EPHA7: variants seen among roughly 807,000 people sequenced by gnomAD.
The protein encoded by EPHA7 is ephrin type-A receptor 7.
EPHA7 carries 25 observed loss-of-function variants against 112.6 expected under a neutral mutation model. The ratio of observed to expected loss-of-function variants is 0.22; its 90% CI spans 0.16 to 0.31. The LOEUF is 0.31. Among genes scored for constraint, EPHA7 ranks in the 10% least tolerant of loss-of-function variants. The probability of loss-of-function intolerance (pLI) is 1.00; values close to 1 mark genes in which losing one functional copy is unlikely to be tolerated. For missense variants in EPHA7, 962 were observed against 1,212.6 expected, an observed-to-expected ratio of 0.79 and a Z score of 3.07; for synonymous variants, 437 against 406.5, an observed-to-expected ratio of 1.07 and a Z score of -0.90.
At chr6:93,296,729 G>A (rs1772693492) in intron 5 of EPHA7, among the ~76,000 whole-genome samples, 1 of 151,676 alleles carries the variant, frequency 6.6e-6, no homozygotes, top group African/African-American at 2.4e-5. Context: ...GCAGGTCAGA[G>A]GCTAGAAAGC....
At chr6:93,297,376 C>A (rs1772725986) in intron 5 of EPHA7, among the ~76,000 whole-genome samples, 1 of 152,090 alleles carries the variant, frequency 6.6e-6, no homozygotes, top group Non-Finnish European at 1.5e-5. Flanking sequence ...TACTTATCTG[C>A]AGGATATTGT....
At chr6:93,337,367 T>G (rs1774927641) in intron 5 of EPHA7, among the ~76,000 whole-genome samples, 1 of 152,194 alleles carries the variant, frequency 6.6e-6, no homozygotes, top group Admixed American at 6.5e-5. Flanking sequence ...ATTTTTATTC[T>G]CTGGAATATA....
chr6:93,298,514 C>T (rs1582472911), intron 5 of EPHA7, among the ~76,000 whole-genome samples: 1 of 151,806 alleles, frequency 6.6e-6, no homozygotes, highest in African/African-American at 2.4e-5. Context: ...CTGATATATG[C>T]AAAAGAGTTC....
intron 3 of EPHA7, among the ~76,000 whole-genome samples, chr6:93,392,826 T>C (rs939922261): frequency 6.6e-6 from 1 of 151,904 alleles, no homozygotes; most frequent in Non-Finnish European, 1.5e-5. Context: ...TATTTTGATA[T>C]ATTTTTCAGA....
chr6:93,322,858 C>G lies in EPHA7; in HGVS notation c.1324+33859G>C, dbSNP rs114971096. On this transcript the variant is annotated intron_variant, in intron 5 of 16. Transcript: ENST00000369303. ...TTACAGATTCAGGGAGCATACTGTCCCCCATCTGTGCTTTACGTGTGTGTG... is the reference window on the plus strand; with the variant it reads ...TTACAGATTCAGGGAGCATACTGTCGCCCATCTGTGCTTTACGTGTGTGTG... Among the ~76,000 whole-genome samples the G allele has an allele frequency of 4.2e-3, 636 of 151,512 alleles. 4 individuals are homozygous for G. The highest frequency in any genetic ancestry group is 0.015 in the African/African-American group (613 of 41,408).
rs566650709 is a variant in EPHA7, at chr6:93,341,394, C to T, written c.1324+15323G>A. On this transcript the variant is annotated intron_variant, in intron 5 of 16. Transcript: ENST00000369303. ...ATATTTCAAACTTACTTTGAGTGTG[C>T]GTGTGTGTGTGTGTCAACTAAGTTG... 8.6e-4 allele frequency among the ~76,000 whole-genome samples: 130 copies of T among 150,524 alleles called. 1 individual carries two copies. Among genetic ancestry groups the T allele is most frequent in the Non-Finnish European group, 1.8e-3 (118 of 67,398 alleles).
intron 5 of EPHA7, among the ~76,000 whole-genome samples, chr6:93,331,207 C>T (rs1167914301): frequency 6.6e-6 from 1 of 151,412 alleles, no homozygotes; most frequent in Non-Finnish European, 1.5e-5. Flanking sequence ...TGAAGGATAT[C>T]ACTGTATTTT....
At chr6:93,258,682 ATATAT>A (rs1770555477) in intron 10 of EPHA7, among the ~76,000 whole-genome samples, 1 of 148,276 alleles carries the variant, frequency 6.7e-6, no homozygotes, top group Middle Eastern at 3.6e-3. Flanking sequence ...ATTTTTTTAT[ATATAT>A]TATATTAGTA....
At chr6:93,254,341 TC>T (rs1285620712) in intron 14 of EPHA7, among the ~76,000 whole-genome samples, 1 of 152,136 alleles carries the variant, frequency 6.6e-6, no homozygotes, top group African/African-American at 2.4e-5. Flanking sequence ...CATGTGATGC[TC>T]CCACTCCAGC....
At chr6:93,291,786 A>AAAAAAAAC (rs1772393293) in intron 5 of EPHA7, among the ~76,000 whole-genome samples, 1 of 150,508 alleles carries the variant, frequency 6.6e-6, no homozygotes, top group African/African-American at 2.4e-5. Flanking sequence ...AAAAAAAAAA[A>AAAAAAAAC]ATACTTTTCT....
At chr6:93,395,672 G>C (rs532352010) in intron 3 of EPHA7, among the ~76,000 whole-genome samples, 1 of 151,280 alleles carries the variant, frequency 6.6e-6, no homozygotes, top group Non-Finnish European at 1.5e-5. Context: ...ATGACACATA[G>C]GGCTTCATTT....
chr6:93,262,940 A>G (rs1206133916), intron 9 of EPHA7, among the ~76,000 whole-genome samples: 1 of 151,410 alleles, frequency 6.6e-6, no homozygotes, highest in Non-Finnish European at 1.5e-5. Context: ...ATCTTCACAG[A>G]TATTGACATA....
chr6:93,372,605 T>C (rs559200808), intron 3 of EPHA7, among the ~76,000 whole-genome samples: 1 of 152,268 alleles, frequency 6.6e-6, no homozygotes, highest in Non-Finnish European at 1.5e-5. Context: ...AAAACAATTT[T>C]TAGCAAGATA....
chr6:93,246,810 G>T lies in EPHA7; in HGVS notation c.2708C>A (p.Pro903His), dbSNP rs768012065. The change falls in exon 15 of 17, where the codon CCC becomes CAC. Residue 903 changes from proline to histidine, a missense_variant. Physicochemically the swap from Pro to His is moderately conservative, Grantham distance 77. Around this residue, in one of 3 missense-constraint regions of EPHA7, gnomAD observed 746 missense variants for 889.2 expected, o/e 0.84. Transcript: ENST00000369303. ...MIRNPNSLKT[P>H]LGTCSRPISP... The stretch of plus-strand genomic sequence containing the variant: ...TTCTTACCTACTACAAGTTCCCAGG[G>T]GAGTTTTCAGACTATTTGGGTTTCG... 3.1e-6 allele frequency: 5 copies of T among 1,607,356 alleles called. No individual in the cohort carries two copies. Among genetic ancestry groups the T allele is most frequent in the Non-Finnish European group, 3.4e-6 (4 of 1,174,346 alleles).
At chr6:93,371,805 C>A (rs1776813258) in intron 3 of EPHA7, among the ~76,000 whole-genome samples, 1 of 152,068 alleles carries the variant, frequency 6.6e-6, no homozygotes, top group South Asian at 2.1e-4. Context: ...TATACATCAT[C>A]CCAAAACCTG....
intron 10 of EPHA7, among the ~76,000 whole-genome samples, 165 bp from the exon 11 acceptor site, chr6:93,258,449 T>C (rs1044901379): frequency 9.2e-5 from 14 of 151,986 alleles, no homozygotes; most frequent in Non-Finnish European, 1.8e-4. Flanking sequence ...TTACACTGAA[T>C]ACATTCCCAT....
At chr6:93,301,990 T>C (rs1773008716) in intron 5 of EPHA7, among the ~76,000 whole-genome samples, 1 of 151,870 alleles carries the variant, frequency 6.6e-6, no homozygotes, top group Non-Finnish European at 1.5e-5. Context: ...CACAGAATCT[T>C]GCTTACTTCT....
At chr6:93,342,001 C>T (rs13200697) in intron 5 of EPHA7, among the ~76,000 whole-genome samples, 52,976 of 151,518 alleles carry the variant, frequency 0.35, 9,847 homozygotes, top group Non-Finnish European at 0.42. Flanking sequence ...CCAAGACCCA[C>T]TCAAGCACAC....
In EPHA7 at chr6:93,330,408, A is replaced by G. The variant is rs1319114677; in HGVS notation, c.1324+26309T>C. Among the ~76,000 whole-genome samples the G allele has an allele frequency of 2.0e-5, 3 of 151,320 alleles. 1 individual carries two copies. In the Admixed American group the frequency reaches 2.0e-4, roughly 10 times the overall value. ...CATAGCTTATTTCTCTTATATAGCT[A>G]TAAGTTTGTGTATGTGAACCAACCT... On this transcript the variant is annotated intron_variant, in intron 5 of 16. Coordinates refer to ENST00000369303, the MANE Select transcript of EPHA7 (RefSeq NM_004440.4).
Sources: allele counts gnomAD v4.1 joint callset (sites outside exome capture counted in the v4.1 genomes callset), GRCh38; gene constraint gnomAD v4.1.1; regional missense constraint gnomAD v4.1.1; transcripts MANE v1.5; gene names NCBI Gene and HGNC (gene_info 2026-07-23, HGNC 2026-07-21).